NRDC: variants seen among roughly 807,000 people sequenced by gnomAD.
The protein encoded by NRDC is nardilysin.
NRDC carries 54 observed loss-of-function variants against 147.1 expected under a neutral mutation model. That is an observed-to-expected ratio of 0.37 (90% CI 0.29 to 0.46). The LOEUF (loss-of-function observed/expected upper bound fraction) is 0.46. NRDC is among the 20% of genes least tolerant of loss of function. NRDC has a pLI of 1.00. For missense variants in NRDC, 1,082 were observed against 1,370.6 expected, an observed-to-expected ratio of 0.79 and a Z score of 3.33; for synonymous variants, 440 against 482.1, an observed-to-expected ratio of 0.91 and a Z score of 1.14.
At position 51,810,291 on chromosome 1, in the gene NRDC, A is replaced by AAAT. The variant is rs1679656814; in HGVS notation, c.1892_1893insATT (p.Tyr631delinsTer). The AAAT allele has an allele frequency of 6.2e-7, 1 of 1,604,930 alleles. No individual in the cohort carries two copies. The highest frequency in any genetic ancestry group is 1.7e-5 in the Admixed American group (1 of 59,736). On this transcript the variant is annotated stop_gained, in exon 16 of 31. Transcript: ENST00000352171. LOFTEE classifies it high-confidence loss of function. ...GTTAAAATATTTTACCTTCTATACT[A>AAAT]TATTGAGTTCCAAACCATTTCTCCT...
chr1:51,824,420 G>A (rs970068341), intron 6 of NRDC, among the ~76,000 whole-genome samples: 1 of 151,970 alleles, frequency 6.6e-6, no homozygotes, highest in African/African-American at 2.4e-5. Context: ...CACCGCGCCC[G>A]GCTATCTAAT....
intron 1 of NRDC, chr1:51,859,706 C>A (rs983462787): frequency 2.0e-5 from 3 of 152,146 alleles, no homozygotes; most frequent in Admixed American, 6.5e-5. Context: ...GGGGAGGGTA[C>A]CTGTGTCACA....
At position 51,816,335 on chromosome 1, in the gene NRDC, G is replaced by A. The variant is rs758164096; in HGVS notation, c.1416C>T (p.Ser472=). The A allele has an allele frequency of 6.3e-7, 1 of 1,598,018 alleles. No homozygotes were observed. Among genetic ancestry groups the A allele is most frequent in the Non-Finnish European group, 8.5e-7 (1 of 1,171,830 alleles). ...GCTTTTTCCTAAGGAAAGAAAGAATGCTGCCTTTGCCTTCATGTCCAACCA... is the reference window on the plus strand; with the variant it reads ...GCTTTTTCCTAAGGAAAGAAAGAATACTGCCTTTGCCTTCATGTCCAACCA... ...SWLVGHEGKG[S]ILSFLRKKCW... The change falls in exon 11 of 31, where the codon AGC becomes AGT. Residue 472 remains serine (S), a synonymous_variant. Coordinates refer to ENST00000352171, the MANE Select transcript of NRDC (RefSeq NM_001101662.2).
At chr1:51,837,113 CA>C (rs1215663372) in intron 2 of NRDC, among the ~76,000 whole-genome samples, 1 of 151,190 alleles carries the variant, frequency 6.6e-6, no homozygotes, top group Non-Finnish European at 1.5e-5. Flanking sequence ...AGTTAAAAGA[CA>C]AAAAAAGGAG....
rs1678479362 is a variant in NRDC, at chr1:51,789,607, C to A, written c.3219G>T (p.Lys1073Asn). Residue 1073 changes from lysine (K) to asparagine (N), a missense_variant, in exon 30 of 31, where the codon AAG becomes AAT. Physicochemically the swap from Lys to Asn is moderately conservative, Grantham distance 94. Around this residue, in one of 3 missense-constraint regions of NRDC, gnomAD observed 187 missense variants for 193.6 expected, o/e 0.97. Transcript: ENST00000352171. ...TTTTACTTCCTGGCCCTCTATGGGC[C>A]TTGAACCAGTTGACCAGGTCTGATT... The part of the protein sequence containing the change: ...FSKSDLVNWF[K>N]AHRGPGSKML... 1 of 1,614,062 alleles carries A rather than the reference C, an allele frequency of 6.2e-7. No homozygotes were observed. Among genetic ancestry groups the A allele is most frequent in the East Asian group, 2.2e-5 (1 of 44,890 alleles).
At chr1:51,820,011 T>C (rs1571866789) in intron 8 of NRDC, 138 bp from the exon 9 acceptor site, 3 of 650,854 alleles carry the variant, frequency 4.6e-6, no homozygotes, top group South Asian at 2.1e-5. Context: ...CATGAACAAA[T>C]AGATGGCAAC....
intron 2 of NRDC, among the ~76,000 whole-genome samples, chr1:51,839,567 A>G (rs1681163465): frequency 6.6e-6 from 1 of 152,188 alleles, no homozygotes; most frequent in Admixed American, 6.5e-5. Flanking sequence ...GGTATTCTTC[A>G]AAAGATATTA....
rs139339992 is a variant in NRDC, at chr1:51,818,109, G to A, written c.1318C>T (p.Leu440=). The change falls in exon 10 of 31, where the codon CTG becomes TTG. Residue 440 remains leucine (L), a synonymous_variant. Transcript: ENST00000352171. ...GGAGGAAGTGCCCATGTGATGGTCAGAGCATGAATTTTTCTGATTGGAACA... is the reference window on the plus strand; with the variant it reads ...GGAGGAAGTGCCCATGTGATGGTCAAAGCATGAATTTTTCTGATTGGAACA... ...RVVPIRKIHA[L]TITWALPPQQ... 41 of 1,605,144 alleles carry A rather than the reference G, an allele frequency of 2.6e-5. No homozygotes were observed. In the African/African-American group the frequency reaches 5.1e-4, roughly 20 times the overall value.
intron 3 of NRDC, 78 bp downstream of exon 3, chr1:51,836,053 C>G: frequency 9.2e-7 from 1 of 1,085,164 alleles, no homozygotes; most frequent in South Asian, 1.3e-5. Flanking sequence ...AAATCACTTG[C>G]TAATCTTTGA....
At chr1:51,826,011 C>T (rs1680429075) in intron 5 of NRDC, among the ~76,000 whole-genome samples, 1 of 152,202 alleles carries the variant, frequency 6.6e-6, no homozygotes, top group Admixed American at 6.5e-5. Context: ...GCCCCTTCTG[C>T]TGTATGAGGA....
chr1:51,805,953 C>T (rs1466400735), intron 18 of NRDC, among the ~76,000 whole-genome samples: 2 of 152,092 alleles, frequency 1.3e-5, no homozygotes, highest in African/African-American at 2.4e-5. Context: ...TTTAGAAACT[C>T]ATAAGCTATT....
intron 1 of NRDC, among the ~76,000 whole-genome samples, chr1:51,867,078 A>C (rs1479812656): frequency 6.6e-6 from 1 of 152,080 alleles, no homozygotes; most frequent in Non-Finnish European, 1.5e-5. Flanking sequence ...GGGCTCCTGC[A>C]ATACTCCTGC....
chr1:51,874,358 T>C (rs1232297156), intron 1 of NRDC, among the ~76,000 whole-genome samples: 1 of 152,076 alleles, frequency 6.6e-6, no homozygotes, highest in African/African-American at 2.4e-5. Flanking sequence ...CACCTGTGCC[T>C]GTAATCCCAG....
intron 1 of NRDC, among the ~76,000 whole-genome samples, chr1:51,871,230 T>C (rs1012351944): frequency 2.0e-5 from 3 of 152,058 alleles, no homozygotes; most frequent in Non-Finnish European, 4.4e-5. Flanking sequence ...GGCACGAGAA[T>C]TGCTTGAACT....
chr1:51,795,172 A>C, intron 22 of NRDC: 1 of 1,352,350 alleles, frequency 7.4e-7, no homozygotes, highest in African/African-American at 1.5e-5. Context: ...GACAACATGG[A>C]CTATGTTTCA....
At chr1:51,845,905 G>A (rs768465191) in intron 1 of NRDC, among the ~76,000 whole-genome samples, 3 of 151,700 alleles carry the variant, frequency 2.0e-5, no homozygotes, top group Admixed American at 2.0e-4. Context: ...ATACATAGTA[G>A]GTACTTAATA....
chr1:51,814,799 G>C lies in NRDC; in HGVS notation c.1454C>G (p.Ala485Gly), dbSNP rs768282290. 1 of 1,598,794 alleles carries C rather than the reference G, an allele frequency of 6.3e-7. No homozygotes were observed. The highest frequency in any genetic ancestry group is 8.5e-7 in the Non-Finnish European group (1 of 1,174,984). ...SFLRKKCWAL[A>G]LFGGNGETGF... ...TGTCTCACCATTTCCACCAAACAGTGCAAGAGCCCAGCATCTACAGGTGGG... is the reference window on the plus strand; with the variant it reads ...TGTCTCACCATTTCCACCAAACAGTCCAAGAGCCCAGCATCTACAGGTGGG... The change falls in exon 12 of 31, where the codon GCA (alanine) becomes GGA (glycine). Residue 485 changes from alanine (A) to glycine (G), a missense_variant. By Grantham distance (60) the Ala-to-Gly change is moderately conservative. Coordinates refer to ENST00000352171, the MANE Select transcript of NRDC (RefSeq NM_001101662.2).
At chr1:51,806,677 C>T (rs554134106) in intron 18 of NRDC, 117 bp downstream of exon 18, 21 of 1,086,776 alleles carry the variant, frequency 1.9e-5, no homozygotes, top group South Asian at 1.8e-4. Flanking sequence ...GGCACCCAGC[C>T]CCAGCCTCCT....
chr1:51,790,084 C>T (rs552160764), intron 29 of NRDC, among the ~76,000 whole-genome samples: 185 of 152,310 alleles, frequency 1.2e-3, no homozygotes, highest in African/African-American at 4.3e-3. Flanking sequence ...TATGGTAATT[C>T]ACCATGTAGG....
Sources: gnomAD v4.1 joint callset for allele counts (sites outside exome capture counted in the v4.1 genomes callset) on GRCh38, gnomAD v4.1.1 for gene constraint, gnomAD v4.1.1 regional missense constraint, MANE v1.5 for transcripts, NCBI Gene and HGNC (gene_info 2026-07-23, HGNC 2026-07-21) for gene names.